RAB33A: variants seen among roughly 807,000 people sequenced by gnomAD.
RAB33A encodes the protein RAB33A, member RAS oncogene family, also known as ras-related protein Rab-33A.
RAB33A carries 6 observed loss-of-function variants against 12.0 expected under a neutral mutation model. The ratio of observed to expected loss-of-function variants is 0.50; its 90% CI spans 0.27 to 0.99. The LOEUF is 0.99. Among genes scored for constraint, RAB33A ranks in the 50% least tolerant of loss-of-function variants. The pLI, the probability that RAB33A is intolerant of heterozygous loss-of-function variation, is 0.11. For missense variants in RAB33A, 109 were observed against 192.0 expected (o/e 0.57, Z 2.55); for synonymous variants, 70 against 82.4 (o/e 0.85, Z 0.81).
chrX:130,111,859 G>C, the RAB33A span, among the ~76,000 whole-genome samples: 1 of 112,053 alleles, frequency 8.9e-6, no homozygotes, highest in South Asian at 3.7e-4. Flanking sequence ...ACGTGGGTCT[G>C]CTGATAGGAG....
chrX:130,169,301 T>C (rs1252250709), upstream of RAB33A, among the ~76,000 whole-genome samples: 1 of 111,486 alleles, frequency 9.0e-6, no homozygotes, highest in African/African-American at 3.3e-5. Flanking sequence ...TTTTTATTGA[T>C]ATTTGTAAAA....
At chrX:130,142,984 G>A in the RAB33A span, among the ~76,000 whole-genome samples, 7 of 112,009 alleles carry the variant, frequency 6.2e-5, no homozygotes, top group Non-Finnish European at 1.1e-4. Flanking sequence ...CGGTAACACT[G>A]TGGATCACAT....
the RAB33A span, among the ~76,000 whole-genome samples, chrX:130,124,753 C>G: frequency 1.8e-5 from 2 of 112,290 alleles, no homozygotes; most frequent in South Asian, 7.4e-4. Context: ...AGGAAGAGGG[C>G]GCTAGAAAAG....
chrX:130,183,512 G>C (rs930358473), intron 1 of RAB33A, among the ~76,000 whole-genome samples: 2 of 109,372 alleles, frequency 1.8e-5, no homozygotes, highest in Admixed American at 9.7e-5. Context: ...CCGAGATGGC[G>C]CCACTGCACC....
the RAB33A span, among the ~76,000 whole-genome samples, chrX:130,120,894 G>A: frequency 8.8e-6 from 1 of 113,281 alleles, no homozygotes; most frequent in African/African-American, 3.2e-5. Flanking sequence ...GGAACGCGGC[G>A]GCGGCGGCGG....
the RAB33A span, among the ~76,000 whole-genome samples, chrX:130,117,816 A>G: frequency 8.9e-6 from 1 of 112,627 alleles, no homozygotes; most frequent in Non-Finnish European, 1.9e-5. Context: ...CCCCTCAGCC[A>G]TGAATAACTG....
the RAB33A span, among the ~76,000 whole-genome samples, chrX:130,115,878 C>A: frequency 9.0e-6 from 1 of 110,980 alleles, no homozygotes; most frequent in Non-Finnish European, 1.9e-5. Flanking sequence ...AGTACTCATT[C>A]TTCTGTTGCA....
the RAB33A span, chrX:130,136,832 A>G: frequency 2.0e-6 from 2 of 1,021,574 alleles, no homozygotes; most frequent in East Asian, 3.1e-5. Flanking sequence ...AAAACCAATT[A>G]TCAGTACACA....
the RAB33A span, among the ~76,000 whole-genome samples, chrX:130,140,980 G>C: frequency 8.9e-6 from 1 of 112,129 alleles, no homozygotes; most frequent in African/African-American, 3.2e-5. Flanking sequence ...GCCAGGTGTG[G>C]CGGCATATGC....
the RAB33A span, among the ~76,000 whole-genome samples, chrX:130,113,984 C>G: frequency 8.9e-6 from 1 of 112,072 alleles, no homozygotes; most frequent in Non-Finnish European, 1.9e-5. Context: ...AATGTTAGCT[C>G]TCTTAGGTGT....
chrX:130,153,331 C>T, the RAB33A span, among the ~76,000 whole-genome samples: 1 of 84,217 alleles, frequency 1.2e-5, no homozygotes, highest in Non-Finnish European at 2.2e-5. Context: ...CCAGCCTGGG[C>T]GACACAGAGA....
At chrX:130,139,400 TAAG>T in the RAB33A span, among the ~76,000 whole-genome samples, 1 of 111,456 alleles carries the variant, frequency 9.0e-6, no homozygotes, top group Non-Finnish European at 1.9e-5. Flanking sequence ...AGCACAGTGT[TAAG>T]AAGCAGAACA....
At chrX:130,125,051 T>C in the RAB33A span, among the ~76,000 whole-genome samples, 1 of 111,481 alleles carries the variant, frequency 9.0e-6, no homozygotes, top group African/African-American at 3.3e-5. Flanking sequence ...GGTCTTGTTT[T>C]TGTCTCAATC....
chrX:130,171,715 G>A, upstream of RAB33A: 1 of 231,449 alleles, frequency 4.3e-6, no homozygotes, highest in Non-Finnish European at 7.7e-6. Flanking sequence ...CTGGAGCAGC[G>A]CGGTAGGGTC....
At chrX:130,135,854 T>TAGCTTGCAG in the RAB33A span, among the ~76,000 whole-genome samples, 1 of 111,648 alleles carries the variant, frequency 9.0e-6, no homozygotes, top group African/African-American at 3.3e-5. Context: ...CATCTGCCAC[T>TAGCTTGCAG]AGCTTGCAGA....
At chrX:130,154,794 C>T in the RAB33A span, among the ~76,000 whole-genome samples, 106 of 112,437 alleles carry the variant, frequency 9.4e-4, 1 homozygote, top group African/African-American at 3.4e-3. Context: ...TTCACATTAC[C>T]TTTATTTGCT....
At chrX:130,173,641 G>A (rs2031635472) in intron 1 of RAB33A, among the ~76,000 whole-genome samples, 1 of 112,110 alleles carries the variant, frequency 8.9e-6, no homozygotes, top group Non-Finnish European at 1.9e-5. Flanking sequence ...TAGGAAGATA[G>A]AACATTATTT....
chrX:130,175,209 G>A (rs186856179), intron 1 of RAB33A, among the ~76,000 whole-genome samples: 304 of 111,168 alleles, frequency 2.7e-3, no homozygotes, highest in Non-Finnish European at 4.8e-3. Context: ...TGACTCTTGA[G>A]CCCAAGCACT....
the RAB33A span, among the ~76,000 whole-genome samples, chrX:130,141,687 A>G: frequency 2.7e-5 from 3 of 111,217 alleles, no homozygotes; most frequent in South Asian, 3.8e-4. Flanking sequence ...CTATATTCCT[A>G]CGAATCACTG....
Sources: gnomAD v4.1 joint callset for allele counts (sites outside exome capture counted in the v4.1 genomes callset) on GRCh38, gnomAD v4.1.1 for gene constraint, MANE v1.5 for transcripts, NCBI Gene and HGNC (gene_info 2026-07-23, HGNC 2026-07-21) for gene names.